Variants in CCDC91 observed in about 807,000 individuals in gnomAD.
CCDC91 encodes coiled-coil domain containing 91.
In CCDC91, 48 loss-of-function variants were observed where a neutral mutation model predicts 63.2. The ratio of observed to expected loss-of-function variants is 0.76; its 90% CI spans 0.60 to 0.97. The LOEUF is 0.97. Ranked by LOEUF, CCDC91 falls within the 50% of genes least tolerant of loss-of-function variation. The pLI, the probability that CCDC91 is intolerant of heterozygous loss-of-function variation, is 0.00. For missense variants in CCDC91, 500 were observed against 494.6 expected, an observed-to-expected ratio of 1.01 and a Z score of -0.10; for synonymous variants, 167 against 165.8, an observed-to-expected ratio of 1.01 and a Z score of -0.06.
At chr12:28,238,348 T>C (rs1267734600) in intron 1 of CCDC91, among the ~76,000 whole-genome samples, 1 of 152,128 alleles carries the variant, frequency 6.6e-6, no homozygotes, top group Non-Finnish European at 1.5e-5. Flanking sequence ...CTTGTATCTA[T>C]CATACTGCCT....
At chr12:28,257,554 A>G (rs1946534383) in intron 2 of CCDC91, among the ~76,000 whole-genome samples, 1 of 152,144 alleles carries the variant, frequency 6.6e-6, no homozygotes, top group African/African-American at 2.4e-5. Flanking sequence ...TTATTGGGAT[A>G]CATGTCTGTT....
intron 12 of CCDC91, among the ~76,000 whole-genome samples, chr12:28,526,474 T>C (rs1941273941): frequency 6.6e-6 from 1 of 152,190 alleles, no homozygotes; most frequent in South Asian, 2.1e-4. Context: ...AGAAATCTAT[T>C]GTTAATCTGA....
chr12:28,366,820 C>G (rs1298537110), intron 7 of CCDC91, among the ~76,000 whole-genome samples: 1 of 152,084 alleles, frequency 6.6e-6, no homozygotes, highest in Non-Finnish European at 1.5e-5. Flanking sequence ...ATGTGGTACC[C>G]TTACTCCTCA....
intron 3 of CCDC91, among the ~76,000 whole-genome samples, chr12:28,287,370 T>C (rs2136697984): frequency 6.6e-6 from 1 of 152,284 alleles, no homozygotes; most frequent in South Asian, 2.1e-4. Context: ...AATCCACTCT[T>C]ATGTTAATTT....
chr12:28,474,000 G>A (rs1004832892), intron 11 of CCDC91, among the ~76,000 whole-genome samples: 5 of 151,698 alleles, frequency 3.3e-5, no homozygotes, highest in East Asian at 1.9e-4. Context: ...GTGTGTGCAC[G>A]TGTGTAAGAA....
At chr12:28,385,080 C>G (rs1287474674) in intron 7 of CCDC91, among the ~76,000 whole-genome samples, 16 of 152,136 alleles carry the variant, frequency 1.1e-4, no homozygotes, top group Admixed American at 1.0e-3. Context: ...AGATACCTTT[C>G]AGTTTTGCTC....
At chr12:28,459,190 T>C (rs1412259952) in intron 11 of CCDC91, among the ~76,000 whole-genome samples, 1 of 152,128 alleles carries the variant, frequency 6.6e-6, no homozygotes, top group Non-Finnish European at 1.5e-5. Context: ...TATTTCATAA[T>C]TCTTCATTTT....
chr12:28,300,245 T>C (rs1197247285), intron 3 of CCDC91, among the ~76,000 whole-genome samples: 1 of 151,450 alleles, frequency 6.6e-6, no homozygotes, highest in African/African-American at 2.4e-5. Context: ...TTTTTGTGTA[T>C]GATATGATAT....
chr12:28,535,446 T>G (rs1942076617), intron 12 of CCDC91, among the ~76,000 whole-genome samples: 1 of 152,166 alleles, frequency 6.6e-6, no homozygotes. Flanking sequence ...GACAAAGAGT[T>G]TCAGTGCATT....
intron 11 of CCDC91, among the ~76,000 whole-genome samples, chr12:28,481,135 G>A (rs2140886407): frequency 1.3e-5 from 2 of 152,020 alleles, no homozygotes; most frequent in Middle Eastern, 3.4e-3. Context: ...ATAATCATTT[G>A]GATAGGATGT....
intron 3 of CCDC91, among the ~76,000 whole-genome samples, chr12:28,280,888 G>T (rs1328103333): frequency 6.6e-6 from 1 of 151,402 alleles, no homozygotes; most frequent in Admixed American, 6.6e-5. Context: ...GAGGTGAGAT[G>T]ATCACTTGAG....
intron 7 of CCDC91, among the ~76,000 whole-genome samples, chr12:28,383,537 T>C (rs1945420569): frequency 6.6e-6 from 1 of 152,282 alleles, no homozygotes; most frequent in Non-Finnish European, 1.5e-5. Flanking sequence ...TTGAGAAACA[T>C]GTACCTTCAT....
chr12:28,198,934 T>A (rs1305138981), intron 1 of CCDC91: 2 of 152,034 alleles, frequency 1.3e-5, no homozygotes, highest in Non-Finnish European at 2.9e-5. Flanking sequence ...CTCTTTTTTT[T>A]TTTTTAAGAG....
Position 28,308,330 on chromosome 12 carries a change from A to G in CCDC91, c.576+581A>G, listed in dbSNP as rs1027814934. On this transcript the variant is annotated intron_variant, in intron 6 of 12. Coordinates refer to ENST00000536442, the MANE Select transcript of CCDC91 (RefSeq NM_018318.5). ...ATGGTCAGCGCTATTAACATATTGT[A>G]TATTATCATTATTTCTCCCTTGGAT... Among the ~76,000 whole-genome samples the G allele has an allele frequency of 3.3e-5, 5 of 152,074 alleles. No individual in the cohort carries two copies. The East Asian group carries it at 7.7e-4, about 24-fold the overall frequency.
chr12:28,313,318 T>A (rs1424727909), intron 6 of CCDC91, among the ~76,000 whole-genome samples: 4 of 152,072 alleles, frequency 2.6e-5, no homozygotes, highest in Non-Finnish European at 5.9e-5. Context: ...TATGTGTATG[T>A]ATTTATAAAA....
chr12:28,508,596 C>T (rs370739507), intron 12 of CCDC91, among the ~76,000 whole-genome samples: 1 of 151,902 alleles, frequency 6.6e-6, no homozygotes, highest in East Asian at 2.0e-4. Context: ...GATCAATTAC[C>T]TTTGCTTTAT....
chr12:28,298,212 T>G (rs1949669925), intron 3 of CCDC91, among the ~76,000 whole-genome samples: 2 of 151,766 alleles, frequency 1.3e-5, no homozygotes, highest in South Asian at 4.1e-4. Context: ...TTCTGAAAAT[T>G]CCTCTGATGC....
At chr12:28,447,832 G>A (rs1010216488) in intron 8 of CCDC91, among the ~76,000 whole-genome samples, 1 of 35,910 alleles carries the variant, frequency 2.8e-5, no homozygotes, top group Admixed American at 3.6e-4. Flanking sequence ...GAGGGGAGGG[G>A]AGGGAAGGGG....
At chr12:28,305,927 G>A in intron 4 of CCDC91, 121 bp downstream of exon 4, 1 of 790,290 alleles carries the variant, frequency 1.3e-6, no homozygotes, top group South Asian at 2.1e-5. Context: ...TTCTGCAATA[G>A]ATATTCTAAT....
Sources: allele counts gnomAD v4.1 joint callset (sites outside exome capture counted in the v4.1 genomes callset), GRCh38; gene constraint gnomAD v4.1.1; transcripts MANE v1.5; gene names NCBI Gene and HGNC (gene_info 2026-07-23, HGNC 2026-07-21).